Variants in BICD2 observed in about 807,000 individuals in gnomAD.
The protein encoded by BICD2 is BICD cargo adaptor 2.
Under a neutral mutation model 72.9 loss-of-function variants are expected in BICD2, and 25 were observed. The ratio of observed to expected loss-of-function variants is 0.34; its 90% CI spans 0.25 to 0.48. BICD2 has a LOEUF of 0.48. Ranked by LOEUF, BICD2 falls within the 20% of genes least tolerant of loss-of-function variation. BICD2 has a pLI of 0.99. For missense variants in BICD2, 894 were observed against 1,175.2 expected (o/e 0.76, Z 3.50); for synonymous variants, 501 against 516.1 (o/e 0.97, Z 0.40).
intron 1 of BICD2, among the ~76,000 whole-genome samples, chr9:92,746,137 T>C (rs1279332928): frequency 6.6e-6 from 1 of 152,204 alleles, no homozygotes; most frequent in African/African-American, 2.4e-5. Flanking sequence ...AGGTTACCTG[T>C]GGTGGCAAAG....
In BICD2 at chr9:92,713,372, C is replaced by T; in HGVS notation, c.*1782G>A. 1 of 1,471,162 alleles carries T rather than the reference C, an allele frequency of 6.8e-7. No individual in the cohort carries two copies. Among genetic ancestry groups the T allele is most frequent in the Non-Finnish European group, 9.3e-7 (1 of 1,074,988 alleles). 91.1% of individuals were successfully genotyped at this position (1,471,162 alleles called of 1,614,324 possible). On this transcript the variant is annotated 3_prime_UTR_variant, in exon 7 of 7. Coordinates refer to ENST00000356884, the MANE Select transcript of BICD2 (RefSeq NM_001003800.2). Reference sequence around the variant, plus strand: ...TAAGTGGGCTTTTAGGTTGCCCTTCCTTCCTCCTTGTGGGCCACGAGAGGG... The same window carrying T: ...TAAGTGGGCTTTTAGGTTGCCCTTCTTTCCTCCTTGTGGGCCACGAGAGGG...
chr9:92,722,494 A>G (rs1564061901), intron 3 of BICD2, among the ~76,000 whole-genome samples, 162 bp downstream of exon 3: 1 of 152,152 alleles, frequency 6.6e-6, no homozygotes, highest in African/African-American at 2.4e-5. Context: ...TCTGGGTCCC[A>G]CCAAGTATAC....
Position 92,720,885 on chromosome 9 carries a change from G to A in BICD2, c.607-130C>T, listed in dbSNP as rs746123757. 1.9e-5 allele frequency: 19 copies of A among 984,644 alleles called. No individual in the cohort carries two copies. The highest frequency in any genetic ancestry group is 2.8e-5 in the Non-Finnish European group (19 of 683,460). 61.0% of individuals were successfully genotyped at this position (984,644 alleles called of 1,614,324 possible). ...AGCAAAAGATGAAGCGCCAGGTGAG[G>A]TGCCATCCTGGGAAGGGTGGCAGCC... is the stretch of plus-strand genomic sequence containing the variant. On this transcript the variant is annotated intron_variant, in intron 3 of 6. Coordinates refer to ENST00000356884, the MANE Select transcript of BICD2 (RefSeq NM_001003800.2). This position sits in a 1 kb window ranked among gnomAD's most constrained non-coding sequence, Gnocchi z 5.4.
At chr9:92,748,972 A>G (rs1222527386) in intron 1 of BICD2, among the ~76,000 whole-genome samples, 1 of 151,890 alleles carries the variant, frequency 6.6e-6, no homozygotes, top group Non-Finnish European at 1.5e-5. Flanking sequence ...TTCCCAGAGG[A>G]GATGGTACAG....
chr9:92,719,025 G>A lies in BICD2; in HGVS notation c.1620C>T (p.His540=), dbSNP rs375331979. 2.3e-4 allele frequency: 368 copies of A among 1,612,478 alleles called. No individual in the cohort carries two copies. The highest frequency in any genetic ancestry group is 3.4e-4 in the Middle Eastern group (2 of 5,894). ...GTGTCTCATTGTTGCACATGCACAC[G>A]TGGTGGTAGAGATTGGCCAGCTCCT... The part of the protein sequence containing the change: ...FSEELANLYH[H]VCMCNNETPN... The change falls in exon 5 of 7, where the codon CAC becomes CAT. Residue 540 remains histidine (H), a synonymous_variant. Transcript: ENST00000356884.
chr9:92,740,608 T>C (rs1048707080), intron 1 of BICD2, among the ~76,000 whole-genome samples: 3 of 151,730 alleles, frequency 2.0e-5, no homozygotes, highest in East Asian at 3.9e-4. Flanking sequence ...TAGACGGGGA[T>C]TGCAAAAACT....
Position 92,718,749 on chromosome 9 carries a change from A to G in BICD2, c.1896T>C (p.Ala632=), listed in dbSNP as rs2131499855. 5 of 1,614,030 alleles carry G rather than the reference A, an allele frequency of 3.1e-6. 1 individual carries two copies. The African/African-American group carries it at 5.3e-5, about 17-fold the overall frequency. ...REPMNIYNLI[A]IIRDQIKHLQ... is the part of the protein sequence containing the mutation. The stretch of plus-strand genomic sequence containing the variant: ...GGTGCTTGATCTGGTCACGGATGAT[A>G]GCGATCAGGTTGTAGATGTTCATGG... The change falls in exon 5 of 7, where the codon GCT becomes GCC. Residue 632 remains alanine, a synonymous_variant. Coordinates refer to ENST00000356884, the MANE Select transcript of BICD2 (RefSeq NM_001003800.2).
Position 92,715,362 on chromosome 9 carries a change from T to C in BICD2, c.2360A>G (p.Gln787Arg). The C allele has an allele frequency of 6.2e-7, 1 of 1,613,058 alleles. No homozygotes were observed. The highest frequency in any genetic ancestry group is 8.5e-7 in the Non-Finnish European group (1 of 1,179,730). The change falls in exon 7 of 7, where the codon CAG (glutamine) becomes CGG (arginine). Residue 787 changes from glutamine to arginine, a missense_variant. Gln to Arg is a conservative substitution (Grantham distance 43). This residue lies in a region of BICD2 where 321 missense variants were observed against 443.9 expected (regional missense o/e 0.72). Transcript: ENST00000356884. ...CCGCTGGGTCAGCGCCAGCTTCTGC[T>C]GGATGGCCATGCGCAGCAGCGAGTT... ...TLNSLLRMAI[Q>R]QKLALTQRLE...
At chr9:92,744,357 T>G (rs890290949) in intron 1 of BICD2, among the ~76,000 whole-genome samples, 1 of 152,220 alleles carries the variant, frequency 6.6e-6, no homozygotes, top group Non-Finnish European at 1.5e-5. Flanking sequence ...AAAGCCAGAA[T>G]GATCACACCT....
In BICD2 at chr9:92,713,118, G is replaced by C. The variant is rs1278920903; in HGVS notation, c.*2036C>G. 1 of 333,306 alleles carries C rather than the reference G, an allele frequency of 3.0e-6. No individual in the cohort carries two copies. The highest frequency in any genetic ancestry group is 5.6e-6 in the Non-Finnish European group (1 of 179,608). The allele number at this position is 333,306 out of a possible 1,614,324, so 20.6% of individuals were successfully genotyped here. On this transcript the variant is annotated 3_prime_UTR_variant, in exon 7 of 7. Coordinates refer to ENST00000356884, the MANE Select transcript of BICD2 (RefSeq NM_001003800.2). Reference sequence around the variant, plus strand: ...ATATCAAAATATCAAAAGTGCACAGGTTGATCGGATAAAAAAAGAACATGT... The same window carrying C: ...ATATCAAAATATCAAAAGTGCACAGCTTGATCGGATAAAAAAAGAACATGT...
Position 92,713,484 on chromosome 9 carries a change from C to A in BICD2, c.*1670G>T. 6.3e-7 allele frequency: 1 copy of A among 1,586,178 alleles called. No individual in the cohort carries two copies. Among genetic ancestry groups the A allele is most frequent in the Admixed American group, 1.7e-5 (1 of 57,174 alleles). On this transcript the variant is annotated 3_prime_UTR_variant, in exon 7 of 7. Coordinates refer to ENST00000356884, the MANE Select transcript of BICD2 (RefSeq NM_001003800.2). ...CAGCTGAAAACGGGAGAAAAGAGAG[C>A]GTTAGAAAGCGGTCATCTGTCGCTT...
Sources: gnomAD v4.1 joint callset for allele counts (sites outside exome capture counted in the v4.1 genomes callset) on GRCh38, gnomAD v4.1.1 for gene constraint, gnomAD v4.1.1 regional missense constraint, Gnocchi (gnomAD v3.1) non-coding constraint, MANE v1.5 for transcripts, NCBI Gene and HGNC (gene_info 2026-07-23, HGNC 2026-07-21) for gene names.